Variants in ACTR3B observed in about 807,000 individuals in gnomAD.
ACTR3B encodes actin-related protein 3B.
Under a neutral mutation model 59.0 loss-of-function variants are expected in ACTR3B, and 8 were observed. The ratio of observed to expected loss-of-function variants is 0.14; its 90% CI spans 0.08 to 0.24. The LOEUF is 0.24. ACTR3B is among the 10% of genes least tolerant of loss of function. The probability of loss-of-function intolerance (pLI) is 1.00; values close to 1 mark genes in which losing one functional copy is unlikely to be tolerated. For missense variants in ACTR3B, 245 were observed against 552.3 expected, an observed-to-expected ratio of 0.44 and a Z score of 5.58; for synonymous variants, 148 against 197.9, an observed-to-expected ratio of 0.75 and a Z score of 2.12.
intron 9 of ACTR3B, among the ~76,000 whole-genome samples, chr7:152,826,211 T>A (rs1424653200): frequency 1.3e-5 from 2 of 152,236 alleles, no homozygotes; most frequent in East Asian, 3.8e-4. Context: ...GATGAAAAGA[T>A]AGCTATAGTA....
chr7:152,785,498 A>T (rs1590242773), intron 2 of ACTR3B, among the ~76,000 whole-genome samples: 1 of 107,064 alleles, frequency 9.3e-6, no homozygotes. Flanking sequence ...AGAGACAGAG[A>T]GAGAGAGAGA....
chr7:152,817,717 G>A (rs1795819325), intron 6 of ACTR3B, among the ~76,000 whole-genome samples: 1 of 152,138 alleles, frequency 6.6e-6, no homozygotes, highest in South Asian at 2.1e-4. Flanking sequence ...ATGGGGGGGT[G>A]TGTATGTGTA....
chr7:152,814,680 C>G (rs57075284), intron 5 of ACTR3B, 35 bp downstream of exon 5: 40 of 1,550,080 alleles, frequency 2.6e-5, no homozygotes, highest in Non-Finnish European at 3.4e-5. Context: ...CCTAAAGCAC[C>G]TGAGCTGTCT....
chr7:152,778,295 A>C (rs1484827919), intron 1 of ACTR3B, among the ~76,000 whole-genome samples: 2 of 146,064 alleles, frequency 1.4e-5, no homozygotes, highest in Non-Finnish European at 3.0e-5. Flanking sequence ...ATAGAGTCTC[A>C]CTCTGTTGCC....
intron 1 of ACTR3B, among the ~76,000 whole-genome samples, chr7:152,762,956 A>G (rs150079249): frequency 0.019 from 2,824 of 152,248 alleles, 93 homozygotes; most frequent in African/African-American, 0.062. Flanking sequence ...GTTCACTTGG[A>G]TCATTTGGAG....
At chr7:152,802,754 C>T (rs552258845) in intron 4 of ACTR3B, among the ~76,000 whole-genome samples, 1 of 151,918 alleles carries the variant, frequency 6.6e-6, no homozygotes, top group East Asian at 1.9e-4. Context: ...GTCAAATGGT[C>T]CCAGATCCAA....
chr7:152,837,989 G>T (rs1472413800), intron 9 of ACTR3B, among the ~76,000 whole-genome samples: 1 of 152,140 alleles, frequency 6.6e-6, no homozygotes, highest in Admixed American at 6.5e-5. Context: ...GAGGGGGGAG[G>T]TATGCTTTTG....
chr7:152,846,158 T>A (rs1191378179), intron 9 of ACTR3B, among the ~76,000 whole-genome samples: 3 of 151,670 alleles, frequency 2.0e-5, no homozygotes, highest in Admixed American at 6.6e-5. Context: ...CGGGCTGTAG[T>A]CTGCAGTGAG....
In ACTR3B at chr7:152,854,447, G is replaced by T. The variant is rs755828299; in HGVS notation, c.1162-11G>T. On this transcript the variant is annotated splice_polypyrimidine_tract_variant and intron_variant, in intron 11 of 11. Transcript: ENST00000256001. The surrounding 1 kb of genome is among the most constrained non-coding windows in gnomAD (Gnocchi z 4.9). ...ATGAGTGTCTTTCTGTCTGCCTGTT[G>T]CCTCTCGTAGCCCGAGTTCTTTCAG... 6 of 1,612,570 alleles carry T rather than the reference G, an allele frequency of 3.7e-6. No individual in the cohort carries two copies. In the Admixed American group the frequency reaches 1.0e-4, roughly 27 times the overall value.
At chr7:152,762,304 C>T (rs563912663) in intron 1 of ACTR3B, among the ~76,000 whole-genome samples, 133 of 152,322 alleles carry the variant, frequency 8.7e-4, no homozygotes, top group African/African-American at 3.1e-3. Flanking sequence ...TTCACAACTC[C>T]GGTCTCACTT....
intron 1 of ACTR3B, among the ~76,000 whole-genome samples, chr7:152,769,020 T>A (rs966717369): frequency 2.0e-5 from 3 of 149,990 alleles, no homozygotes; most frequent in Admixed American, 1.3e-4. Context: ...GCCTGGCTAA[T>A]TTTTGTGTTT....
intron 1 of ACTR3B, among the ~76,000 whole-genome samples, chr7:152,781,846 G>A (rs922999497): frequency 2.6e-5 from 4 of 152,080 alleles, no homozygotes; most frequent in Non-Finnish European, 4.4e-5. Context: ...GGTCCACTTG[G>A]CCTTGTACTC....
chr7:152,834,941 T>C (rs1327372249), intron 9 of ACTR3B, among the ~76,000 whole-genome samples: 2 of 152,202 alleles, frequency 1.3e-5, no homozygotes, highest in African/African-American at 4.8e-5. Flanking sequence ...TGTGGGCTGG[T>C]GTCCAGAAAG....
chr7:152,846,932 G>A (rs540117556), intron 9 of ACTR3B, among the ~76,000 whole-genome samples: 36 of 146,578 alleles, frequency 2.5e-4, no homozygotes, highest in Non-Finnish European at 4.5e-4. Flanking sequence ...TGCCCGGGCT[G>A]TAGTCTGTAG....
rs2098084196 is a variant in ACTR3B, at chr7:152,760,023, C to G, written c.44+97C>G. 4.4e-6 allele frequency: 5 copies of G among 1,125,502 alleles called. No individual in the cohort carries two copies. The African/African-American group carries it at 8.1e-5, about 18-fold the overall frequency. 69.7% of individuals were successfully genotyped at this position (1,125,502 alleles called of 1,614,324 possible). ...GGAGGTCGAGCTGCGTCCGTCGCCCCGGGCTTGAGCCCCGCGATCACCTGG... is the reference window on the plus strand; with the variant it reads ...GGAGGTCGAGCTGCGTCCGTCGCCCGGGGCTTGAGCCCCGCGATCACCTGG... On this transcript the variant is annotated intron_variant, in intron 1 of 11. Coordinates refer to ENST00000256001, the MANE Select transcript of ACTR3B (RefSeq NM_020445.6).
chr7:152,834,920 G>A (rs557712249), intron 9 of ACTR3B, among the ~76,000 whole-genome samples: 1 of 152,344 alleles, frequency 6.6e-6, no homozygotes, highest in African/African-American at 2.4e-5. Context: ...TGGGCTGTGG[G>A]AGGGAATGAC....
intron 1 of ACTR3B, among the ~76,000 whole-genome samples, chr7:152,779,022 T>G (rs2098143477): frequency 7.0e-6 from 1 of 142,432 alleles, no homozygotes; most frequent in African/African-American, 2.6e-5. Flanking sequence ...TTCTGACCAG[T>G]ATTAAACTTC....
In ACTR3B at chr7:152,854,472, G is replaced by A. The variant is rs1291931946; in HGVS notation, c.1176G>A (p.Gln392=). 2 of 1,614,062 alleles carry A rather than the reference G, an allele frequency of 1.2e-6. No individual in the cohort carries two copies. The highest frequency in any genetic ancestry group is 3.3e-5 in the Admixed American group (2 of 60,010). The change falls in exon 12 of 12, where the codon CAG becomes CAA. Residue 392 remains glutamine (Q), a synonymous_variant. Transcript: ENST00000256001. This position sits in a 1 kb window ranked among gnomAD's most constrained non-coding sequence, Gnocchi z 4.9. Reference sequence around the variant, plus strand: ...GCCTCTCGTAGCCCGAGTTCTTTCAGGTCTGCCACACCAAGAAGGACTATG... The same window carrying A: ...GCCTCTCGTAGCCCGAGTTCTTTCAAGTCTGCCACACCAAGAAGGACTATG... The part of the protein sequence containing the change: ...SMLASTPEFF[Q]VCHTKKDYEE...
chr7:152,848,731 T>C (rs1198723932), intron 9 of ACTR3B, among the ~76,000 whole-genome samples: 2 of 152,286 alleles, frequency 1.3e-5, no homozygotes, highest in Middle Eastern at 6.8e-3. Context: ...TTATGGTAAC[T>C]AGGTATGCAG....
Sources: allele counts gnomAD v4.1 joint callset (sites outside exome capture counted in the v4.1 genomes callset), GRCh38; gene constraint gnomAD v4.1.1; non-coding constraint Gnocchi (gnomAD v3.1); transcripts MANE v1.5; gene names NCBI Gene and HGNC (gene_info 2026-07-23, HGNC 2026-07-21).